MYOM3: variants seen among roughly 807,000 people sequenced by gnomAD.
The protein encoded by MYOM3 is myomesin 3, also known as myomesin-3.
MYOM3 carries 155 observed loss-of-function variants against 191.7 expected under a neutral mutation model. That is an observed-to-expected ratio of 0.81 (90% CI 0.71 to 0.92). The LOEUF (loss-of-function observed/expected upper bound fraction) is 0.92, where lower values mean the gene tolerates loss of function less well. Ranked by LOEUF, MYOM3 falls within the 40% of genes least tolerant of loss-of-function variation. The pLI is 0.00. For synonymous variants in MYOM3, 757 were observed against 762.9 expected (o/e 0.99, Z 0.13); for missense variants, 1,889 against 1,890.6 (o/e 1.00, Z 0.02).
At chr1:24,091,130 A>C (rs1447501040) in intron 11 of MYOM3, 134 bp from the exon 12 acceptor site, 2 of 1,053,032 alleles carry the variant, frequency 1.9e-6, no homozygotes, top group Non-Finnish European at 2.7e-6. Flanking sequence ...TCTTCTCTCC[A>C]ATGGAAGAGC....
At position 24,111,746 on chromosome 1, in the gene MYOM3, T is replaced by A. The variant is rs558629289; in HGVS notation, c.-19+285A>T. 2.6e-5 allele frequency among the ~76,000 whole-genome samples: 4 copies of A among 152,008 alleles called. No homozygotes were observed. The highest frequency in any genetic ancestry group is 9.6e-5 in the African/African-American group (4 of 41,478). On this transcript the variant is annotated intron_variant, in intron 1 of 36. Transcript: ENST00000374434. This position sits in a 1 kb window ranked among gnomAD's most constrained non-coding sequence, Gnocchi z 4.7. ...GTTCCCAGGGCAGCCCCCACTCTTT[T>A]TTTTTTTTTTGCAACTTTCACATCA...
chr1:24,066,933 C>G, intron 28 of MYOM3, 88 bp downstream of exon 28: 1 of 1,224,030 alleles, frequency 8.2e-7, no homozygotes, highest in Non-Finnish European at 1.1e-6. Flanking sequence ...ATTTAGGGGG[C>G]CGGGTGGGCA....
intron 18 of MYOM3, 108 bp downstream of exon 18, chr1:24,081,893 G>T: frequency 9.1e-7 from 1 of 1,096,864 alleles, no homozygotes; most frequent in Admixed American, 2.6e-5. Context: ...TGAGGCAGGG[G>T]AACTTGAGAC....
At chr1:24,064,262 G>T in intron 29 of MYOM3, 103 bp from the exon 30 acceptor site, 1 of 835,808 alleles carries the variant, frequency 1.2e-6, no homozygotes, top group Non-Finnish European at 1.9e-6. Context: ...CTCACTCTCT[G>T]TGTGACCTCA....
At chr1:24,086,284 A>G (rs4397608) in intron 15 of MYOM3, among the ~76,000 whole-genome samples, 61,705 of 151,922 alleles carry the variant, frequency 0.41, 12,844 homozygotes, top group East Asian at 0.43. Context: ...CCACCAGACA[A>G]GGAGCAGGGG....
At chr1:24,059,110 A>G in intron 35 of MYOM3, 131 bp from the exon 36 acceptor site, 1 of 684,136 alleles carries the variant, frequency 1.5e-6, no homozygotes, top group East Asian at 2.7e-5. Flanking sequence ...ATTATTTTGG[A>G]TGGAAATCTT....
intron 10 of MYOM3, 99 bp from the exon 11 acceptor site, chr1:24,092,414 CA>C (rs1643850612): frequency 9.1e-7 from 1 of 1,102,382 alleles, no homozygotes; most frequent in African/African-American, 1.6e-5. Context: ...ATCCATCCTC[CA>C]GGGGCTCAGT....
intron 11 of MYOM3, among the ~76,000 whole-genome samples, chr1:24,091,231 T>C (rs1283396654): frequency 6.6e-6 from 1 of 152,222 alleles, no homozygotes; most frequent in African/African-American, 2.4e-5. Context: ...ATCGTGAGCC[T>C]GTGACTGTGC....
intron 6 of MYOM3, among the ~76,000 whole-genome samples, chr1:24,098,740 A>C (rs926807056): frequency 8.5e-5 from 13 of 152,180 alleles, no homozygotes; most frequent in Non-Finnish European, 1.9e-4. Flanking sequence ...TGTGGAGTCC[A>C]TGGGGCACCT....
In MYOM3 at chr1:24,087,318, C is replaced by A. The variant is rs183691653; in HGVS notation, c.1615-491G>T. On this transcript the variant is annotated intron_variant, in intron 14 of 36. Coordinates refer to ENST00000374434, the MANE Select transcript of MYOM3 (RefSeq NM_152372.4). The surrounding 1 kb of genome is among the most constrained non-coding windows in gnomAD (Gnocchi z 4.5). ...CTCTTGACTGGTCTCCCCTCCATTTCTACCTATAACCCCCTTCCGTCTTGT... is the reference window on the plus strand; with the variant it reads ...CTCTTGACTGGTCTCCCCTCCATTTATACCTATAACCCCCTTCCGTCTTGT... 2.0e-4 allele frequency among the ~76,000 whole-genome samples: 31 copies of A among 152,326 alleles called. 1 individual carries two copies. Among genetic ancestry groups the A allele is most frequent in the Non-Finnish European group, 3.4e-4 (23 of 68,024 alleles).
intron 21 of MYOM3, among the ~76,000 whole-genome samples, chr1:24,075,909 T>C (rs185968204): frequency 6.6e-6 from 1 of 152,352 alleles, no homozygotes; most frequent in East Asian, 1.9e-4. Flanking sequence ...GGAAAGAGAA[T>C]GTGCTTTGTA....
chr1:24,089,368 A>G lies in MYOM3; in HGVS notation c.1614+170T>C, dbSNP rs114736231. Among the ~76,000 whole-genome samples, 1,294 of 152,334 alleles carry G rather than the reference A, an allele frequency of 8.5e-3. 14 individuals are homozygous for G. The highest frequency in any genetic ancestry group is 0.031 in the Middle Eastern group (9 of 294). ...GCTTCCAGGGCTAGAGGTAGCTGCA[A>G]AAGGCTATTCAATCCATCCCCTTGC... is the stretch of plus-strand genomic sequence containing the variant. On this transcript the variant is annotated intron_variant, in intron 14 of 36. Coordinates refer to ENST00000374434, the MANE Select transcript of MYOM3 (RefSeq NM_152372.4).
Position 24,060,921 on chromosome 1 carries a change from C to T in MYOM3, c.3994+139G>A, listed in dbSNP as rs991821203. Reference sequence around the variant, plus strand: ...TGTCTCTGTCTTGCCCAGGTCTTCCCTGCAGCTCTGTAAGACCCTAGAGCC... The same window carrying T: ...TGTCTCTGTCTTGCCCAGGTCTTCCTTGCAGCTCTGTAAGACCCTAGAGCC... On this transcript the variant is annotated intron_variant, in intron 35 of 36. Coordinates refer to ENST00000374434, the MANE Select transcript of MYOM3 (RefSeq NM_152372.4). The T allele has an allele frequency of 3.8e-5, 35 of 924,384 alleles. No homozygotes were observed. The African/African-American group carries it at 4.5e-4, about 12-fold the overall frequency. 57.3% of individuals were successfully genotyped at this position (924,384 alleles called of 1,614,324 possible).
chr1:24,056,779 T>G lies in MYOM3; in HGVS notation c.*585A>C, dbSNP rs2148538806. On this transcript the variant is annotated 3_prime_UTR_variant, in exon 37 of 37. Coordinates refer to ENST00000374434, the MANE Select transcript of MYOM3 (RefSeq NM_152372.4). ...TGGACCTGCTTTATAATCTTTATCA[T>G]GTCCTGCCTTGTCCTGGAGTTGTTT... 1 of 152,628 alleles carries G rather than the reference T, an allele frequency of 6.6e-6. No individual in the cohort carries two copies. Among genetic ancestry groups the G allele is most frequent in the Middle Eastern group, 3.4e-3 (1 of 296 alleles). The allele number at this position is 152,628 out of a possible 1,614,324, so 9.5% of individuals were successfully genotyped here. A position where few individuals can be genotyped will look rare whatever the true frequency, so the allele number is the denominator to read the frequency against.
At chr1:24,085,342 A>G (rs1643726359) in intron 15 of MYOM3, among the ~76,000 whole-genome samples, 1 of 152,154 alleles carries the variant, frequency 6.6e-6, no homozygotes, top group Non-Finnish European at 1.5e-5. Context: ...ACATGGATGA[A>G]TAAATGGATA....
intron 9 of MYOM3, 136 bp from the exon 10 acceptor site, chr1:24,093,244 G>A: frequency 4.7e-6 from 3 of 636,952 alleles, no homozygotes; most frequent in Non-Finnish European, 5.5e-6. Flanking sequence ...GGCCTTGGGT[G>A]GGGGTGGTGG....
At chr1:24,105,654 G>C (rs1295057913) in intron 5 of MYOM3, among the ~76,000 whole-genome samples, 1 of 152,248 alleles carries the variant, frequency 6.6e-6, no homozygotes, top group African/African-American at 2.4e-5. Flanking sequence ...AGCTACTTGG[G>C]AGGCTGAGAT....
intron 19 of MYOM3, among the ~76,000 whole-genome samples, chr1:24,080,892 T>G (rs1643660527): frequency 6.6e-6 from 1 of 152,302 alleles, no homozygotes. Flanking sequence ...GAAGACTTAC[T>G]GGGTTATGGG....
In MYOM3 at chr1:24,061,313, T is replaced by C. The variant is rs750356636; in HGVS notation, c.3935-4A>G. 14 of 1,613,838 alleles carry C rather than the reference T, an allele frequency of 8.7e-6. No homozygotes were observed. The highest frequency in any genetic ancestry group is 3.3e-5 in the Admixed American group (2 of 59,978). On this transcript the variant is annotated splice_polypyrimidine_tract_variant and splice_region_variant and intron_variant, in intron 33 of 36. Transcript: ENST00000374434. ...TCAGCCATTGCATCCTCAAAAGCTA[T>C]AAGAAGGACAGAGGAGAATGGGGGC...
Sources: gnomAD v4.1 joint callset for allele counts (sites outside exome capture counted in the v4.1 genomes callset) on GRCh38, gnomAD v4.1.1 for gene constraint, Gnocchi (gnomAD v3.1) non-coding constraint, MANE v1.5 for transcripts, NCBI Gene and HGNC (gene_info 2026-07-23, HGNC 2026-07-21) for gene names.